The following SP2 variants were observed in gnomAD, a reference collection of about 807,000 sequenced individuals.
The protein encoded by SP2 is Sp2 transcription factor.
Under a neutral mutation model 50.1 loss-of-function variants are expected in SP2, and 9 were observed. The observed-to-expected ratio is 0.18, with a 90% CI of 0.11 to 0.31. The LOEUF is 0.31. SP2 is among the 10% of genes least tolerant of loss of function. SP2 has a pLI of 1.00. For synonymous variants in SP2, 313 were observed against 326.6 expected (o/e 0.96, Z 0.45); for missense variants, 581 against 806.5 (o/e 0.72, Z 3.39).
In SP2 at chr17:47,917,073, A is replaced by G. The variant is rs776407034; in HGVS notation, c.1002A>G (p.Val334=). The part of the protein sequence containing the change: ...VQAASATLPT[V]PQKPSQNFQI... ...CGGCATCTGCCACCCTCCCCACTGT[A>G]CCCCAGAAGCCCTCCCAGAACTTTC... Residue 334 remains valine (V), a synonymous_variant, in exon 3 of 7, where the codon GTA becomes GTG. Coordinates refer to ENST00000376741, the MANE Select transcript of SP2 (RefSeq NM_003110.6). 6.2e-7 allele frequency: 1 copy of G among 1,613,444 alleles called. No individual in the cohort carries two copies. The highest frequency in any genetic ancestry group is 2.2e-5 in the East Asian group (1 of 44,874).
intron 6 of SP2, among the ~76,000 whole-genome samples, 193 bp from the exon 7 acceptor site, chr17:47,927,531 C>CAAAAA (rs61309845): frequency 2.7e-4 from 23 of 83,954 alleles, no homozygotes; most frequent in Middle Eastern, 5.7e-3. Context: ...GACTCCATCT[C>CAAAAA]AAAAAAAAAA....
At chr17:47,926,234 T>A (rs2035645342) in intron 6 of SP2, among the ~76,000 whole-genome samples, 1 of 151,694 alleles carries the variant, frequency 6.6e-6, no homozygotes, top group Non-Finnish European at 1.5e-5. Context: ...CCCATTTTAC[T>A]GAGGCATGGA....
At chr17:47,915,066 T>C (rs540039568) in intron 1 of SP2, among the ~76,000 whole-genome samples, 1 of 151,948 alleles carries the variant, frequency 6.6e-6, no homozygotes, top group African/African-American at 2.4e-5. Flanking sequence ...ATACAAAAAT[T>C]AGCTGGGCAT....
chr17:47,905,532 G>A (rs1385713524), intron 1 of SP2, among the ~76,000 whole-genome samples: 1 of 152,212 alleles, frequency 6.6e-6, no homozygotes, highest in Non-Finnish European at 1.5e-5. Flanking sequence ...AAAGCCTACT[G>A]TTGTGGTATT....
intron 3 of SP2, among the ~76,000 whole-genome samples, chr17:47,919,002 T>TACAC (rs35792055): frequency 2.0e-5 from 3 of 151,376 alleles, no homozygotes; most frequent in Admixed American, 1.3e-4. Flanking sequence ...CAGATGCAAA[T>TACAC]ACACACACAC....
Position 47,897,728 on chromosome 17 carries a change from A to T in SP2, c.7+1435A>T, listed in dbSNP as rs1315181407. On this transcript the variant is annotated intron_variant, in intron 1 of 6. Coordinates refer to ENST00000376741, the MANE Select transcript of SP2 (RefSeq NM_003110.6). ...AGTCCAGACCACAGCAGTAATTTCAATTACTAACACAAAGAAACCCATTGT... is the reference window on the plus strand; with the variant it reads ...AGTCCAGACCACAGCAGTAATTTCATTTACTAACACAAAGAAACCCATTGT... 4 of 352,724 alleles carry T rather than the reference A, an allele frequency of 1.1e-5. No individual in the cohort carries two copies. The Admixed American group carries it at 1.9e-4, about 17-fold the overall frequency. The allele number at this position is 352,724 out of a possible 1,614,324, so 21.8% of individuals were successfully genotyped here. A position where few individuals can be genotyped will look rare whatever the true frequency, so the allele number is the denominator to read the frequency against.
Position 47,928,375 on chromosome 17 carries a change from CA to C in SP2, c.*552del, listed in dbSNP as rs1567706804. 6.5e-6 allele frequency: 1 copy of C among 154,850 alleles called. No homozygotes were observed. The highest frequency in any genetic ancestry group is 1.4e-5 in the Non-Finnish European group (1 of 68,968). The allele number at this position is 154,850 out of a possible 1,614,324, so 9.6% of individuals were successfully genotyped here. On this transcript the variant is annotated 3_prime_UTR_variant, in exon 7 of 7. Transcript: ENST00000376741. The stretch of plus-strand genomic sequence containing the variant: ...TCCAGCTCTATTTAAAAAGTAAAGA[CA>C]CCCACCGACTCCTGATCCCCCTCTT...
At position 47,917,060 on chromosome 17, in the gene SP2, C is replaced by T; in HGVS notation, c.989C>T (p.Thr330Ile). The change falls in exon 3 of 7, where the codon ACC (threonine) becomes ATC (isoleucine). Residue 330 changes from threonine (T) to isoleucine (I), a missense_variant. Thr to Ile is a moderately conservative substitution (Grantham distance 89, BLOSUM62 -1). Around this residue, in one of 2 missense-constraint regions of SP2, gnomAD observed 397 missense variants for 491.0 expected, o/e 0.81. Coordinates refer to ENST00000376741, the MANE Select transcript of SP2 (RefSeq NM_003110.6). The part of the protein sequence containing the change: ...ALRVVQAASA[T>I]LPTVPQKPSQ... Reference sequence around the variant, plus strand: ...CGGGTGGTGCAGGCGGCATCTGCCACCCTCCCCACTGTACCCCAGAAGCCC... The same window carrying T: ...CGGGTGGTGCAGGCGGCATCTGCCATCCTCCCCACTGTACCCCAGAAGCCC... 2.5e-6 allele frequency: 4 copies of T among 1,613,870 alleles called. No homozygotes were observed. Among genetic ancestry groups the T allele is most frequent in the Non-Finnish European group, 2.5e-6 (3 of 1,179,992 alleles).
At chr17:47,929,866 G>A (rs2318118), downstream of SP2, 66,722 of 152,326 alleles carry the variant, frequency 0.44, 14,916 homozygotes, top group East Asian at 0.76. Context: ...CAGGAGTGGC[G>A]AGGCTCGTTT....
chr17:47,927,877 C>T lies in SP2; in HGVS notation c.*53C>T. On this transcript the variant is annotated 3_prime_UTR_variant, in exon 7 of 7. Transcript: ENST00000376741. ...ATGCAGTCCCCCACCTGTGTCCTCC[C>T]TGGGCCCCTGGTGGAAAGGAGCCCT... 4 of 1,119,336 alleles carry T rather than the reference C, an allele frequency of 3.6e-6. No individual in the cohort carries two copies. The highest frequency in any genetic ancestry group is 5.3e-6 in the Non-Finnish European group (4 of 752,436). 69.3% of individuals were successfully genotyped at this position (1,119,336 alleles called of 1,614,324 possible). A position where few individuals can be genotyped will look rare whatever the true frequency, so the allele number is the denominator to read the frequency against.
rs565577409 is a variant in SP2 at position 47,920,785 on chromosome 17, C to T, written c.1060-2177C>T. ...CTTTTTTTTTATAAAATCAGCTTTA[C>T]TGAAACATTCACATACTATGAAACT... On this transcript the variant is annotated intron_variant, in intron 3 of 6. Transcript: ENST00000376741. Among the ~76,000 whole-genome samples the T allele has an allele frequency of 3.9e-5, 6 of 152,214 alleles. No homozygotes were observed. In the East Asian group the frequency reaches 1.2e-3, roughly 29 times the overall value.
rs1283643318 is a variant in SP2, at chr17:47,909,432, TATAC to T, written c.8-5878_8-5875del. 3.3e-5 allele frequency among the ~76,000 whole-genome samples: 5 copies of T among 152,216 alleles called. No homozygotes were observed. In the East Asian group the frequency reaches 7.7e-4, roughly 23 times the overall value. ...TAAGTGGAGGACTTATTTTTTTTAA[TATAC>T]AGACAAGGTTTCACCATGTTGCCCA... On this transcript the variant is annotated intron_variant, in intron 1 of 6. Coordinates refer to ENST00000376741, the MANE Select transcript of SP2 (RefSeq NM_003110.6).
In SP2 at chr17:47,916,788, G is replaced by C. The variant is rs2229358; in HGVS notation, c.717G>C (p.Pro239=). The change falls in exon 3 of 7, where the codon CCG becomes CCC. Residue 239 remains proline (P), a synonymous_variant. Transcript: ENST00000376741. This position sits in a 1 kb window ranked among gnomAD's most constrained non-coding sequence, Gnocchi z 4.7. ...TQLLTESPPT[P]LSKTNKKARK... is the part of the protein sequence containing the mutation. ...TCCTCACTGAAAGCCCCCCAACCCC[G>C]CTGTCTAAGACTAACAAGAAAGCAA... 1 of 1,613,762 alleles carries C rather than the reference G, an allele frequency of 6.2e-7. No homozygotes were observed.
chr17:47,912,409 A>C (rs1395975524), intron 1 of SP2, among the ~76,000 whole-genome samples: 1 of 149,990 alleles, frequency 6.7e-6, no homozygotes, highest in East Asian at 1.9e-4. Context: ...TTACCAGCTC[A>C]TCACCTATCC....
In SP2 at chr17:47,925,042, A is replaced by G; in HGVS notation, c.1496A>G (p.Lys499Arg). 1.9e-6 allele frequency: 3 copies of G among 1,614,084 alleles called. No homozygotes were observed. The highest frequency in any genetic ancestry group is 2.5e-6 in the Non-Finnish European group (3 of 1,179,944). Residue 499 changes from lysine (K) to arginine (R), a missense_variant, in exon 5 of 7, where the codon AAG becomes AGG. By Grantham distance (26) the Lys-to-Arg change is conservative. Coordinates refer to ENST00000376741, the MANE Select transcript of SP2 (RefSeq NM_003110.6). ...ALAGETQPGE[K>R]RRRMACTCPN... ...GCCGGAGAGACCCAGCCCGGGGAGAAGCGGCGCCGCATGGCCTGCACGTGT... is the reference window on the plus strand; with the variant it reads ...GCCGGAGAGACCCAGCCCGGGGAGAGGCGGCGCCGCATGGCCTGCACGTGT...
intron 6 of SP2, among the ~76,000 whole-genome samples, chr17:47,926,827 A>T (rs1426434237): frequency 6.6e-6 from 1 of 152,088 alleles, no homozygotes; most frequent in Non-Finnish European, 1.5e-5. Flanking sequence ...GTCCACACAT[A>T]CACTTTGGCA....
intron 1 of SP2, among the ~76,000 whole-genome samples, chr17:47,904,259 T>TC (rs1463909471): frequency 2.9e-5 from 3 of 104,882 alleles, no homozygotes; most frequent in African/African-American, 1.1e-4. Flanking sequence ...TGAGACTCTG[T>TC]CCCAAAAAAA....
At chr17:47,917,698 T>C in intron 3 of SP2, 1 of 369,840 alleles carries the variant, frequency 2.7e-6, no homozygotes, top group Admixed American at 3.2e-5. Flanking sequence ...CACTACAGTC[T>C]TAATCTCCTG....
Position 47,916,365 on chromosome 17 carries a change from G to A in SP2, c.294G>A (p.Gly98=). The A allele has an allele frequency of 1.9e-6, 3 of 1,614,078 alleles. No homozygotes were observed. The South Asian group carries it at 3.3e-5, about 18-fold the overall frequency. The change falls in exon 3 of 7, where the codon GGG becomes GGA. Residue 98 remains glycine, a synonymous_variant. Transcript: ENST00000376741. This position sits in a 1 kb window ranked among gnomAD's most constrained non-coding sequence, Gnocchi z 4.7. The part of the protein sequence containing the change: ...SSKGNILQIQ[G]SQLSASYPGG... ...AAGGAAATATACTTCAGATTCAGGGGTCACAACTGAGCGCCTCCTATCCTG... is the reference window on the plus strand; with the variant it reads ...AAGGAAATATACTTCAGATTCAGGGATCACAACTGAGCGCCTCCTATCCTG...
Sources: gnomAD v4.1 joint callset for allele counts (sites outside exome capture counted in the v4.1 genomes callset) on GRCh38, gnomAD v4.1.1 for gene constraint, gnomAD v4.1.1 regional missense constraint, Gnocchi (gnomAD v3.1) non-coding constraint, MANE v1.5 for transcripts, NCBI Gene and HGNC (gene_info 2026-07-23, HGNC 2026-07-21) for gene names.